DISC1: variants seen among roughly 807,000 people sequenced by gnomAD.
The protein encoded by DISC1 is disrupted in schizophrenia 1 protein.
In DISC1, 57 loss-of-function variants were observed where a neutral mutation model predicts 84.5. The observed-to-expected ratio is 0.67, with a 90% CI of 0.55 to 0.84. DISC1 has a LOEUF of 0.84. DISC1 is among the 40% of genes least tolerant of loss of function. The pLI, the probability that DISC1 is intolerant of heterozygous loss-of-function variation, is 0.00. For synonymous variants in DISC1, 411 were observed against 415.2 expected (o/e 0.99, Z 0.12); for missense variants, 1,000 against 1,057.8 (o/e 0.95, Z 0.76).
chr1:231,996,924 C>CA (rs1666034627), intron 10 of DISC1, among the ~76,000 whole-genome samples: 1 of 152,140 alleles, frequency 6.6e-6, no homozygotes, highest in Admixed American at 6.5e-5. Context: ...TCCTTCTCTT[C>CA]AATAATTATT....
At chr1:231,938,341 G>A (rs1409805346) in intron 9 of DISC1, among the ~76,000 whole-genome samples, 1 of 152,164 alleles carries the variant, frequency 6.6e-6, no homozygotes, top group African/African-American at 2.4e-5. Flanking sequence ...CAGAGGGAGT[G>A]ACAGTGAGGT....
intron 10 of DISC1, among the ~76,000 whole-genome samples, chr1:231,983,856 A>C (rs972766277): frequency 6.6e-6 from 1 of 152,228 alleles, no homozygotes; most frequent in Admixed American, 6.5e-5. Flanking sequence ...AGGGCCTCGC[A>C]GTCGTGTTGA....
intron 9 of DISC1, among the ~76,000 whole-genome samples, chr1:231,884,561 C>T (rs940462152): frequency 1.1e-4 from 16 of 146,088 alleles, no homozygotes. Context: ...AATGAACATA[C>T]GCGTGCATGT....
chr1:231,845,960 G>C (rs905704353), intron 9 of DISC1, among the ~76,000 whole-genome samples: 1 of 152,266 alleles, frequency 6.6e-6, no homozygotes, highest in African/African-American at 2.4e-5. Context: ...CTCGGGGTGG[G>C]GAGGAGGTGG....
chr1:231,914,101 C>T (rs2089448864), intron 9 of DISC1, among the ~76,000 whole-genome samples: 1 of 152,222 alleles, frequency 6.6e-6, no homozygotes, highest in Non-Finnish European at 1.5e-5. Flanking sequence ...GTCCTTTGAT[C>T]TTTCCACTCC....
At chr1:231,640,419 G>C (rs2059539884) in intron 1 of DISC1, among the ~76,000 whole-genome samples, 2 of 152,208 alleles carry the variant, frequency 1.3e-5, no homozygotes, top group African/African-American at 4.8e-5. Flanking sequence ...CATTCCCGGA[G>C]TGTAAGTGCA....
At chr1:231,904,676 AC>A (rs766806499) in intron 9 of DISC1, among the ~76,000 whole-genome samples, 3 of 151,948 alleles carry the variant, frequency 2.0e-5, no homozygotes, top group Non-Finnish European at 4.4e-5. Context: ...AACAATGAAC[AC>A]CCCTAGAATC....
At chr1:232,017,390 A>AT (rs201223672) in intron 11 of DISC1, among the ~76,000 whole-genome samples, 3 of 151,770 alleles carry the variant, frequency 2.0e-5, no homozygotes, top group African/African-American at 7.3e-5. Flanking sequence ...TATGTTTTAA[A>AT]TTTTTTTAAA....
At chr1:231,984,445 G>A (rs1664112721) in intron 10 of DISC1, among the ~76,000 whole-genome samples, 1 of 152,142 alleles carries the variant, frequency 6.6e-6, no homozygotes, top group South Asian at 2.1e-4. Context: ...TGGATTTGAA[G>A]AGATGTCACT....
chr1:231,950,828 T>G (rs997381185), intron 9 of DISC1, among the ~76,000 whole-genome samples: 1 of 152,220 alleles, frequency 6.6e-6, no homozygotes, highest in African/African-American at 2.4e-5. Context: ...GCTTCCTTAC[T>G]CATTTCTCCT....
In DISC1 at chr1:231,994,141, A is replaced by G. The variant is rs76382061; in HGVS notation, c.2043-14644A>G. On this transcript the variant is annotated intron_variant, in intron 10 of 12. Transcript: ENST00000439617. Reference sequence around the variant, plus strand: ...CTTTGCTCACAGTTTGGTGAGTCATAAATTTGGGAAGGTCTTGCCTGGGCA... The same window carrying G: ...CTTTGCTCACAGTTTGGTGAGTCATGAATTTGGGAAGGTCTTGCCTGGGCA... Among the ~76,000 whole-genome samples the G allele has an allele frequency of 5.7e-3, 873 of 152,328 alleles. 14 individuals are homozygous for G. The highest frequency in any genetic ancestry group is 0.019 in the African/African-American group (797 of 41,578).
chr1:231,989,152 T>C (rs1365294644), intron 10 of DISC1, among the ~76,000 whole-genome samples: 1 of 152,214 alleles, frequency 6.6e-6, no homozygotes, highest in African/African-American at 2.4e-5. Context: ...ACAAACATTT[T>C]AGAATGACCA....
chr1:231,950,375 A>G (rs1243976251), intron 9 of DISC1, among the ~76,000 whole-genome samples: 1 of 152,174 alleles, frequency 6.6e-6, no homozygotes, highest in Admixed American at 6.5e-5. Flanking sequence ...CTGTAAATTA[A>G]TCTCCAGGTC....
chr1:231,969,756 C>T (rs540123738), intron 10 of DISC1, among the ~76,000 whole-genome samples: 3 of 152,090 alleles, frequency 2.0e-5, no homozygotes, highest in East Asian at 1.9e-4. Flanking sequence ...CCTCTCCCCC[C>T]ACCCCATGAC....
chr1:231,757,496 G>A (rs2075260393), intron 4 of DISC1, among the ~76,000 whole-genome samples: 1 of 152,088 alleles, frequency 6.6e-6, no homozygotes. Flanking sequence ...CTCTGAACTC[G>A]TGTAGAAGAG....
At chr1:231,803,366 G>A (rs191678517) in intron 8 of DISC1, among the ~76,000 whole-genome samples, 162 of 152,282 alleles carry the variant, frequency 1.1e-3, no homozygotes, top group Admixed American at 3.5e-3. Context: ...TTCATAGCTT[G>A]AAACAACAAA....
At chr1:231,682,430 T>C (rs1461760407) in intron 1 of DISC1, among the ~76,000 whole-genome samples, 1 of 151,418 alleles carries the variant, frequency 6.6e-6, no homozygotes, top group Non-Finnish European at 1.5e-5. Context: ...CTTATTTTGG[T>C]TTCCTTCAGT....
At chr1:231,732,072 C>T (rs1393621167) in intron 3 of DISC1, among the ~76,000 whole-genome samples, 1 of 152,174 alleles carries the variant, frequency 6.6e-6, no homozygotes, top group African/African-American at 2.4e-5. Flanking sequence ...GTGTGAATAC[C>T]TTGGACCCCT....
At chr1:231,688,976 A>G (rs2064654117) in intron 1 of DISC1, among the ~76,000 whole-genome samples, 1 of 152,190 alleles carries the variant, frequency 6.6e-6, no homozygotes, top group Non-Finnish European at 1.5e-5. Flanking sequence ...TTGGCTCAGT[A>G]GAGTGTTTGT....
Sources: allele counts gnomAD v4.1 joint callset (sites outside exome capture counted in the v4.1 genomes callset), GRCh38; gene constraint gnomAD v4.1.1; transcripts MANE v1.5; gene names NCBI Gene and HGNC (gene_info 2026-07-23, HGNC 2026-07-21).